Variants in FHIT observed in about 807,000 individuals in gnomAD.
FHIT encodes the protein bis(5'-adenosyl)-triphosphatase.
FHIT carries 19 observed loss-of-function variants against 17.9 expected under a neutral mutation model. The observed-to-expected ratio is 1.06, with a 90% CI of 0.74 to 1.56. FHIT has a LOEUF of 1.56. Ranked by LOEUF, FHIT falls within the 40% of genes most tolerant of loss-of-function variation. FHIT has a pLI of 0.00. For synonymous variants in FHIT, 81 were observed against 69.7 expected, an observed-to-expected ratio of 1.16 and a Z score of -0.81; for missense variants, 248 against 189.2, an observed-to-expected ratio of 1.31 and a Z score of -1.82.
intron 5 of FHIT, among the ~76,000 whole-genome samples, chr3:60,239,146 C>G (rs549480360): frequency 1.3e-5 from 2 of 152,042 alleles, no homozygotes; most frequent in Non-Finnish European, 2.9e-5. Flanking sequence ...AGTTTTTGCC[C>G]TTCATTTTTT....
rs1398763959 is a variant in FHIT, at chr3:60,784,008, G to T, written c.-18+37911C>A. On this transcript the variant is annotated intron_variant, in intron 4 of 9. Coordinates refer to ENST00000492590, the MANE Select transcript of FHIT (RefSeq NM_002012.4). Reference sequence around the variant, plus strand: ...AGACATATCACCCCTGGCCTCAGGAGTTTAATATTCAGTGACTCTTTGGCA... The same window carrying T: ...AGACATATCACCCCTGGCCTCAGGATTTTAATATTCAGTGACTCTTTGGCA... 3.3e-5 allele frequency among the ~76,000 whole-genome samples: 5 copies of T among 152,194 alleles called. No homozygotes were observed. In the South Asian group the frequency reaches 1.0e-3, roughly 32 times the overall value.
intron 2 of FHIT, among the ~76,000 whole-genome samples, chr3:61,085,416 G>A (rs2035274061): frequency 6.6e-6 from 1 of 152,000 alleles, no homozygotes; most frequent in East Asian, 1.9e-4. Context: ...GCATTTTCCT[G>A]GTGATGATAA....
At chr3:59,839,894 G>T (rs577038342) in intron 8 of FHIT, among the ~76,000 whole-genome samples, 11 of 152,322 alleles carry the variant, frequency 7.2e-5, no homozygotes, top group Non-Finnish European at 1.5e-4. Flanking sequence ...TTAAAGGCTT[G>T]AAGTGACAAG....
At chr3:61,177,150 C>G (rs1450076273) in intron 2 of FHIT, among the ~76,000 whole-genome samples, 12 of 147,558 alleles carry the variant, frequency 8.1e-5, no homozygotes, top group Admixed American at 7.5e-4. Context: ...GCACTTCAGC[C>G]TGGGCGACAG....
intron 8 of FHIT, among the ~76,000 whole-genome samples, chr3:59,857,902 A>C (rs1281869176): frequency 6.6e-6 from 1 of 152,112 alleles, no homozygotes; most frequent in Non-Finnish European, 1.5e-5. Flanking sequence ...ACAAGCCTGG[A>C]TACAGAAAGG....
At chr3:60,717,875 A>G (rs2041722899) in intron 4 of FHIT, among the ~76,000 whole-genome samples, 1 of 152,202 alleles carries the variant, frequency 6.6e-6, no homozygotes, top group South Asian at 2.1e-4. Flanking sequence ...GCTGTCTACA[A>G]GAAATCAACT....
chr3:61,116,312 A>T (rs1272881509), intron 2 of FHIT, among the ~76,000 whole-genome samples: 2 of 152,084 alleles, frequency 1.3e-5, no homozygotes, highest in South Asian at 2.1e-4. Flanking sequence ...ACGTACACAC[A>T]CTTTTAATTC....
At chr3:59,957,761 C>T (rs1241339037) in intron 7 of FHIT, among the ~76,000 whole-genome samples, 1 of 152,186 alleles carries the variant, frequency 6.6e-6, no homozygotes, top group African/African-American at 2.4e-5. Flanking sequence ...GGAGCCAGCA[C>T]ATACTACTCT....
intron 5 of FHIT, among the ~76,000 whole-genome samples, chr3:60,029,923 G>GTGTGTGTA (rs1559562991): frequency 6.6e-6 from 1 of 151,394 alleles, no homozygotes; most frequent in Non-Finnish European, 1.5e-5. Context: ...GTGTGTGTGT[G>GTGTGTGTA]TGTGTACAAA....
intron 8 of FHIT, among the ~76,000 whole-genome samples, chr3:59,894,995 T>A (rs1704007707): frequency 2.0e-5 from 3 of 152,184 alleles, no homozygotes; most frequent in Admixed American, 2.0e-4. Flanking sequence ...GGGGCTGGAA[T>A]TAGGGCAGGG....
In FHIT at chr3:59,970,700, T is replaced by C. The variant is rs555416847; in HGVS notation, c.279+40671A>G. Among the ~76,000 whole-genome samples, 15 of 152,228 alleles carry C rather than the reference T, an allele frequency of 9.9e-5. 1 individual carries two copies. The highest frequency in any genetic ancestry group is 6.8e-3 in the Middle Eastern group (2 of 294). On this transcript the variant is annotated intron_variant, in intron 7 of 9. Transcript: ENST00000492590. ...GCTTGATTTTCCCTTCTGCTACTCA[T>C]CCTGCCATTTGTTAATTTTTGTTAT...
intron 5 of FHIT, among the ~76,000 whole-genome samples, chr3:60,142,268 G>T (rs926808667): frequency 4.1e-4 from 62 of 152,104 alleles, no homozygotes; most frequent in Non-Finnish European, 1.5e-5. Context: ...ATGCCAGCAC[G>T]TAGCTCATAA....
intron 3 of FHIT, among the ~76,000 whole-genome samples, chr3:61,032,839 T>A (rs2033072274): frequency 6.6e-6 from 1 of 152,190 alleles, no homozygotes; most frequent in Non-Finnish European, 1.5e-5. Context: ...AGACCCACTA[T>A]CTGCCATCTG....
At chr3:59,917,600 T>C (rs536860489) in intron 8 of FHIT, among the ~76,000 whole-genome samples, 1 of 152,084 alleles carries the variant, frequency 6.6e-6, no homozygotes, top group Non-Finnish European at 1.5e-5. Context: ...TTAAAGAACA[T>C]AGATGTAGAA....
At chr3:60,931,792 T>C (rs543298075) in intron 3 of FHIT, among the ~76,000 whole-genome samples, 2 of 152,334 alleles carry the variant, frequency 1.3e-5, no homozygotes, top group African/African-American at 4.8e-5. Context: ...AAAGAGCATA[T>C]ATAAAGAACA....
intron 5 of FHIT, among the ~76,000 whole-genome samples, chr3:60,525,013 G>C (rs1460953771): frequency 6.6e-6 from 1 of 152,166 alleles, no homozygotes; most frequent in Non-Finnish European, 1.5e-5. Flanking sequence ...TTGATGGCAG[G>C]GGGTGGATGG....
intron 5 of FHIT, among the ~76,000 whole-genome samples, chr3:60,424,290 G>T (rs193127774): frequency 6.6e-6 from 1 of 152,104 alleles, no homozygotes; most frequent in Non-Finnish European, 1.5e-5. Flanking sequence ...AATACAGAGA[G>T]CAGTCTGGGG....
intron 5 of FHIT, among the ~76,000 whole-genome samples, chr3:60,042,520 G>C (rs2106838724): frequency 6.6e-6 from 1 of 152,200 alleles, no homozygotes; most frequent in East Asian, 1.9e-4. Flanking sequence ...CTTGGCTTGT[G>C]GATGGCTGTC....
chr3:60,186,371 A>G (rs896886484), intron 5 of FHIT, among the ~76,000 whole-genome samples: 21 of 152,282 alleles, frequency 1.4e-4, no homozygotes, highest in African/African-American at 5.1e-4. Flanking sequence ...CATTTGTTGA[A>G]AAGTTATCCT....
Sources: allele counts gnomAD v4.1 joint callset (sites outside exome capture counted in the v4.1 genomes callset), GRCh38; gene constraint gnomAD v4.1.1; transcripts MANE v1.5; gene names NCBI Gene and HGNC (gene_info 2026-07-23, HGNC 2026-07-21).